The following STAU2 variants were observed in gnomAD, a reference collection of about 807,000 sequenced individuals.
STAU2 encodes double-stranded RNA-binding protein Staufen homolog 2.
In STAU2, 20 loss-of-function variants were observed where a neutral mutation model predicts 65.9. That is an observed-to-expected ratio of 0.30 (90% CI 0.21 to 0.44). STAU2 has a LOEUF of 0.44. Among genes scored for constraint, STAU2 ranks in the 20% least tolerant of loss-of-function variants. STAU2 has a pLI of 1.00. For synonymous variants in STAU2, 232 were observed against 233.9 expected (o/e 0.99, Z 0.07); for missense variants, 558 against 683.9 (o/e 0.82, Z 2.05).
chr8:73,746,011 G>GCTT (rs1807246938), intron 1 of STAU2, among the ~76,000 whole-genome samples: 1 of 151,634 alleles, frequency 6.6e-6, no homozygotes, highest in Admixed American at 6.6e-5. Context: ...CCGTAACTGA[G>GCTT]CTTTGTCTCC....
chr8:73,736,895 C>A (rs777588776), intron 3 of STAU2, among the ~76,000 whole-genome samples: 1 of 152,190 alleles, frequency 6.6e-6, no homozygotes, highest in South Asian at 2.1e-4. Flanking sequence ...GAACGCATCT[C>A]GCTCTGTAGC....
chr8:73,536,447 A>G (rs1806186866), intron 13 of STAU2, among the ~76,000 whole-genome samples: 1 of 152,196 alleles, frequency 6.6e-6, no homozygotes, highest in African/African-American at 2.4e-5. Flanking sequence ...TACTCCAGGG[A>G]AACACCATGG....
At chr8:73,479,472 G>GCATACACACA (rs1820493634) in intron 13 of STAU2, among the ~76,000 whole-genome samples, 1 of 139,842 alleles carries the variant, frequency 7.2e-6, no homozygotes, top group Non-Finnish European at 1.5e-5. Context: ...TCCCTATTCT[G>GCATACACACA]CACACACACA....
chr8:73,652,669 G>A (rs1815992137), intron 6 of STAU2: 1 of 151,168 alleles, frequency 6.6e-6, no homozygotes, highest in South Asian at 2.1e-4. Flanking sequence ...AAGTTGCAGT[G>A]AGCAGAGATC....
At chr8:73,553,566 T>C (rs1274450876) in intron 12 of STAU2, among the ~76,000 whole-genome samples, 1 of 152,200 alleles carries the variant, frequency 6.6e-6, no homozygotes, top group Non-Finnish European at 1.5e-5. Context: ...TCAGGATTCC[T>C]GAGTTTACTT....
At chr8:73,425,436 G>C (rs950396112) in intron 13 of STAU2, among the ~76,000 whole-genome samples, 2 of 152,170 alleles carry the variant, frequency 1.3e-5, no homozygotes, top group Non-Finnish European at 2.9e-5. Context: ...GCCTGGGACA[G>C]ATTCTCCCTC....
At chr8:73,611,264 C>A (rs1812436760) in intron 9 of STAU2, among the ~76,000 whole-genome samples, 1 of 152,142 alleles carries the variant, frequency 6.6e-6, no homozygotes, top group African/African-American at 2.4e-5. Flanking sequence ...GTTGTTCTCT[C>A]AAAATAATCT....
At chr8:73,598,420 G>A (rs968442734) in intron 10 of STAU2, among the ~76,000 whole-genome samples, 1 of 151,810 alleles carries the variant, frequency 6.6e-6, no homozygotes, top group Non-Finnish European at 1.5e-5. Context: ...GTACAGATGG[G>A]GTTTCACCGT....
chr8:73,481,508 C>CAAAAAAAAA (rs1346555942), intron 13 of STAU2, among the ~76,000 whole-genome samples: 1 of 77,844 alleles, frequency 1.3e-5, no homozygotes, highest in African/African-American at 4.8e-5. Context: ...GCCAAAAAAA[C>CAAAAAAAAA]AAAAAAACAA....
At chr8:73,587,034 T>A (rs929093164) in intron 11 of STAU2, among the ~76,000 whole-genome samples, 3 of 152,036 alleles carry the variant, frequency 2.0e-5, no homozygotes, top group African/African-American at 7.2e-5. Context: ...AATACACATA[T>A]AAAATACACA....
chr8:73,591,908 AAAAAAACAAGAG>A (rs1810832779), intron 11 of STAU2, among the ~76,000 whole-genome samples: 1 of 140,566 alleles, frequency 7.1e-6, no homozygotes, highest in African/African-American at 2.8e-5. Context: ...AAAAAAAAAA[AAAAAAACAAGAG>A]AGAGACAAGA....
intron 3 of STAU2, among the ~76,000 whole-genome samples, chr8:73,730,914 G>A (rs1806020417): frequency 6.6e-6 from 1 of 152,038 alleles, no homozygotes; most frequent in South Asian, 2.1e-4. Flanking sequence ...TTGACTGAAT[G>A]ACAAAAACTA....
intron 13 of STAU2, among the ~76,000 whole-genome samples, chr8:73,480,418 G>C (rs368951081): frequency 2.6e-5 from 4 of 152,136 alleles, no homozygotes; most frequent in Non-Finnish European, 5.9e-5. Context: ...TTTCAAGAGA[G>C]GTGTGATAAG....
intron 3 of STAU2, among the ~76,000 whole-genome samples, chr8:73,724,653 T>TTGTG (rs369351905): frequency 0.17 from 17,416 of 100,006 alleles, 1,407 homozygotes; most frequent in Middle Eastern, 0.32. Context: ...GTTCAGTAGG[T>TTGTG]TGTGTGTGTG....
intron 1 of STAU2, 73 bp downstream of exon 1, chr8:73,746,710 C>T: frequency 1.0e-6 from 1 of 971,182 alleles, no homozygotes; most frequent in Non-Finnish European, 1.3e-6. Flanking sequence ...CAGGGCTCCC[C>T]AGCGCCCTCT....
chr8:73,629,340 C>G (rs939831601), intron 6 of STAU2, among the ~76,000 whole-genome samples: 11 of 152,168 alleles, frequency 7.2e-5, no homozygotes, highest in African/African-American at 2.7e-4. Flanking sequence ...TCCAACACAT[C>G]ATAAAAATTA....
Position 73,436,568 on chromosome 8 carries a change from TTTTATTTA to T in STAU2, c.1531-13874_1531-13867del, listed in dbSNP as rs3032117. On this transcript the variant is annotated intron_variant, in intron 13 of 14. Transcript: ENST00000524300. ...ATGAATTATCAGTATTTTGCCAATTTTTTATTTATTTATTTATTTATTTATTTATTTAT... is the reference window on the plus strand; with the variant it reads ...ATGAATTATCAGTATTTTGCCAATTTTTTATTTATTTATTTATTTATTTAT... Among the ~76,000 whole-genome samples the T allele has an allele frequency of 2.8e-4, 39 of 141,466 alleles. 1 individual carries two copies. The East Asian group carries it at 3.9e-3, about 14-fold the overall frequency. 92.8% of individuals were successfully genotyped at this position (141,466 alleles called of 152,430 possible).
At chr8:73,623,962 G>T (rs1813456074) in intron 6 of STAU2, among the ~76,000 whole-genome samples, 1 of 152,150 alleles carries the variant, frequency 6.6e-6, no homozygotes, top group Non-Finnish European at 1.5e-5. Context: ...TTTAAAAGAG[G>T]TGTATGGATA....
chr8:73,432,564 A>G (rs1817382266), intron 13 of STAU2, among the ~76,000 whole-genome samples: 1 of 152,214 alleles, frequency 6.6e-6, no homozygotes, highest in African/African-American at 2.4e-5. Flanking sequence ...AGAAACCAAA[A>G]AGACATTTGT....
Sources: gnomAD v4.1 joint callset for allele counts (sites outside exome capture counted in the v4.1 genomes callset) on GRCh38, gnomAD v4.1.1 for gene constraint, MANE v1.5 for transcripts, NCBI Gene and HGNC (gene_info 2026-07-23, HGNC 2026-07-21) for gene names.